LCLAT1: variants seen among roughly 807,000 people sequenced by gnomAD.
The protein encoded by LCLAT1 is lysocardiolipin acyltransferase 1.
A neutral mutation model predicts 30.7 loss-of-function variants in LCLAT1; 11 were observed. The observed-to-expected ratio is 0.36, with a 90% CI of 0.23 to 0.59. The LOEUF (loss-of-function observed/expected upper bound fraction) is 0.59. LCLAT1 is among the 20% of genes least tolerant of loss of function. The pLI is 0.77. For synonymous variants in LCLAT1, 155 were observed against 151.3 expected, an observed-to-expected ratio of 1.02 and a Z score of -0.18; for missense variants, 402 against 458.6, an observed-to-expected ratio of 0.88 and a Z score of 1.13.
intron 5 of LCLAT1, among the ~76,000 whole-genome samples, chr2:30,592,768 GCTA>G (rs1360456552): frequency 6.6e-6 from 1 of 152,078 alleles, no homozygotes; most frequent in African/African-American, 2.4e-5. Flanking sequence ...TTACCAATCT[GCTA>G]CTAACACTTA....
At position 30,560,368 on chromosome 2, in the gene LCLAT1, A is replaced by G. The variant is rs578090243; in HGVS notation, c.365-1778A>G. On this transcript the variant is annotated intron_variant, in intron 3 of 5. Transcript: ENST00000379509. ...ACACGGAGTCTTGCTCCATTGCCCAACTATGTTGTTGTGTGGCTGAAGTGC... is the reference window on the plus strand; with the variant it reads ...ACACGGAGTCTTGCTCCATTGCCCAGCTATGTTGTTGTGTGGCTGAAGTGC... Among the ~76,000 whole-genome samples the G allele has an allele frequency of 2.0e-5, 3 of 149,612 alleles. No individual in the cohort carries two copies. In the South Asian group the frequency reaches 6.4e-4, roughly 32 times the overall value.
rs869093721 is a variant in LCLAT1, at chr2:30,521,492, CTTTTTTTTTTT to C, written c.-4-4071_-4-4061del. Among the ~76,000 whole-genome samples the C allele has an allele frequency of 1.1e-3, 19 of 16,820 alleles. No individual in the cohort carries two copies. In the East Asian group the frequency reaches 0.015, roughly 13 times the overall value. The allele number at this position is 16,820 out of a possible 152,430, so 11.0% of individuals were successfully genotyped here. On this transcript the variant is annotated intron_variant, in intron 1 of 5. Transcript: ENST00000379509. ...TCCTCAACCCCCTAAACTACTTCTT[CTTTTTTTTTTT>C]TTTTTTTTTTTTTTTTTTTTTTTGA...
intron 1 of LCLAT1, among the ~76,000 whole-genome samples, chr2:30,505,550 T>TAAC (rs1167607957): frequency 1.3e-5 from 2 of 152,228 alleles, no homozygotes; most frequent in Admixed American, 1.3e-4. Flanking sequence ...ACTATTGTCA[T>TAAC]AACATACATA....
At chr2:30,539,438 T>C (rs1664011969) in intron 3 of LCLAT1, among the ~76,000 whole-genome samples, 1 of 151,970 alleles carries the variant, frequency 6.6e-6, no homozygotes, top group African/African-American at 2.4e-5. Context: ...TTTTTAAAAA[T>C]GAAACTTTAG....
intron 1 of LCLAT1, among the ~76,000 whole-genome samples, chr2:30,520,179 G>T (rs191922319): frequency 6.6e-5 from 10 of 152,264 alleles, no homozygotes; most frequent in African/African-American, 2.4e-4. Context: ...GAACCCCCCA[G>T]GTCAGAGAGC....
At chr2:30,483,625 A>T (rs188709379) in intron 1 of LCLAT1, among the ~76,000 whole-genome samples, 5 of 151,468 alleles carry the variant, frequency 3.3e-5, no homozygotes, top group Admixed American at 3.3e-4. Context: ...CTCATCTTTA[A>T]TTTTTTTTTA....
At chr2:30,514,050 C>G (rs568328450) in intron 1 of LCLAT1, among the ~76,000 whole-genome samples, 1 of 152,334 alleles carries the variant, frequency 6.6e-6, no homozygotes, top group Non-Finnish European at 1.5e-5. Flanking sequence ...TGGGGGCTCA[C>G]AACTGCATTT....
intron 1 of LCLAT1, among the ~76,000 whole-genome samples, chr2:30,500,233 G>A (rs1228390601): frequency 2.6e-5 from 4 of 152,100 alleles, no homozygotes; most frequent in East Asian, 3.8e-4. Context: ...AAAATCTAAT[G>A]CCAATAAGTA....
In LCLAT1 at chr2:30,552,463, T is replaced by C. The variant is rs114040071; in HGVS notation, c.365-9683T>C. ...ATGTAATTATTACTTGCTCATATTT[T>C]ATACTTTGATTTCTATCTTGTATTT... On this transcript the variant is annotated intron_variant, in intron 3 of 5. Transcript: ENST00000379509. 2.9e-3 allele frequency: 1,207 copies of C among 416,656 alleles called. 17 individuals are homozygous for C. Among genetic ancestry groups the C allele is most frequent in the African/African-American group, 0.022 (1,101 of 48,994 alleles). The allele number at this position is 416,656 out of a possible 1,614,324, so 25.8% of individuals were successfully genotyped here. A position where few individuals can be genotyped will look rare whatever the true frequency, so the allele number is the denominator to read the frequency against.
chr2:30,484,479 G>C (rs1319664665), intron 1 of LCLAT1, among the ~76,000 whole-genome samples: 2 of 151,926 alleles, frequency 1.3e-5, no homozygotes, highest in African/African-American at 4.8e-5. Flanking sequence ...TAAATTTTGG[G>C]GGTTTTCTCA....
chr2:30,567,384 T>C (rs1665537302), intron 4 of LCLAT1, among the ~76,000 whole-genome samples: 1 of 152,222 alleles, frequency 6.6e-6, no homozygotes, highest in African/African-American at 2.4e-5. Context: ...TTTTTTTCTT[T>C]AGTCTTAGAA....
chr2:30,517,059 C>T (rs544296159), intron 1 of LCLAT1, among the ~76,000 whole-genome samples: 1 of 152,318 alleles, frequency 6.6e-6, no homozygotes, highest in African/African-American at 2.4e-5. Context: ...ACTCCACAGT[C>T]GCCCATGCAG....
rs1419716873 is a variant in LCLAT1 at position 30,641,772 on chromosome 2, TTTGCCCAAATA to T, written c.*1156_*1166del. 1.1e-4 allele frequency: 16 copies of T among 152,206 alleles called. No homozygotes were observed. Among genetic ancestry groups the T allele is most frequent in the African/African-American group, 3.1e-4 (13 of 41,456 alleles). The allele number at this position is 152,206 out of a possible 1,614,324, so 9.4% of individuals were successfully genotyped here. A position where few individuals can be genotyped will look rare whatever the true frequency, so the allele number is the denominator to read the frequency against. ...ATTTAAACCCACTTTTGACCAATTG[TTTGCCCAAATA>T]TTCTTGTCATTTGGAGTCAGTGGAA... is the stretch of plus-strand genomic sequence containing the variant. On this transcript the variant is annotated 3_prime_UTR_variant, in exon 6 of 6. Coordinates refer to ENST00000379509, the MANE Select transcript of LCLAT1 (RefSeq NM_001002257.3).
At chr2:30,613,454 T>TA (rs1247693083) in intron 5 of LCLAT1, among the ~76,000 whole-genome samples, 3 of 152,032 alleles carry the variant, frequency 2.0e-5, no homozygotes, top group African/African-American at 7.2e-5. Flanking sequence ...GGATTCTAGA[T>TA]ACATTTTAAG....
chr2:30,451,806 T>C (rs1044325642), intron 1 of LCLAT1, among the ~76,000 whole-genome samples: 4 of 143,264 alleles, frequency 2.8e-5, no homozygotes, highest in Admixed American at 7.0e-5. Context: ...ATGAGTAAAT[T>C]GTGATATATT....
At chr2:30,465,610 A>G (rs1682379558) in intron 1 of LCLAT1, among the ~76,000 whole-genome samples, 1 of 152,116 alleles carries the variant, frequency 6.6e-6, no homozygotes, top group African/African-American at 2.4e-5. Flanking sequence ...ATTCTTATCT[A>G]CTCTTTGCTA....
At chr2:30,586,175 C>T (rs1304394678) in intron 5 of LCLAT1, among the ~76,000 whole-genome samples, 5 of 137,304 alleles carry the variant, frequency 3.6e-5, no homozygotes, top group South Asian at 2.5e-4. Flanking sequence ...ACCCGGGAGG[C>T]GGAGCTTGCG....
intron 1 of LCLAT1, among the ~76,000 whole-genome samples, chr2:30,483,971 A>G (rs1323130511): frequency 1.3e-5 from 2 of 152,082 alleles, no homozygotes; most frequent in African/African-American, 2.4e-5. Flanking sequence ...GTAAAATGAG[A>G]ATGTTGAACT....
At chr2:30,501,589 C>G (rs1684393621) in intron 1 of LCLAT1, among the ~76,000 whole-genome samples, 1 of 152,006 alleles carries the variant, frequency 6.6e-6, no homozygotes, top group South Asian at 2.1e-4. Flanking sequence ...GTGGGAGGAT[C>G]AGTTGAACCC....
Sources: allele counts gnomAD v4.1 joint callset (sites outside exome capture counted in the v4.1 genomes callset), GRCh38; gene constraint gnomAD v4.1.1; transcripts MANE v1.5; gene names NCBI Gene and HGNC (gene_info 2026-07-23, HGNC 2026-07-21).